CTXND2: variants seen among roughly 807,000 people sequenced by gnomAD.
CTXND2 encodes the protein cortexin domain containing 2.
intron 1 of CTXND2, among the ~76,000 whole-genome samples, chr1:150,909,792 G>A (rs1034699010): frequency 6.6e-6 from 1 of 152,154 alleles, no homozygotes; most frequent in Non-Finnish European, 1.5e-5. Flanking sequence ...TGCCAAAGAA[G>A]AAGGCTTTAC....
chr1:150,900,265 A>G (rs1352176357), intron 1 of CTXND2, among the ~76,000 whole-genome samples: 1 of 152,152 alleles, frequency 6.6e-6, no homozygotes, highest in Non-Finnish European at 1.5e-5. Flanking sequence ...GAGAGGAACG[A>G]ACAACTCCGG....
At chr1:150,905,417 A>T (rs895770389) in intron 1 of CTXND2, among the ~76,000 whole-genome samples, 3 of 151,804 alleles carry the variant, frequency 2.0e-5, no homozygotes. Context: ...AAGTGCTGGG[A>T]TTATAGGCAT....
chr1:150,905,490 TG>T (rs1669126366), intron 1 of CTXND2, among the ~76,000 whole-genome samples: 2 of 151,806 alleles, frequency 1.3e-5, no homozygotes, highest in South Asian at 4.2e-4. Context: ...GTCCAGGGGG[TG>T]GCATGAAAAC....
intron 1 of CTXND2, among the ~76,000 whole-genome samples, chr1:150,901,904 C>T (rs587676106): frequency 8.7e-5 from 13 of 148,976 alleles, no homozygotes; most frequent in African/African-American, 3.0e-4. Context: ...CCAGCCTGGG[C>T]GACAGAGTGA....
intron 1 of CTXND2, among the ~76,000 whole-genome samples, chr1:150,909,490 G>A (rs891368242): frequency 1.3e-5 from 2 of 152,052 alleles, no homozygotes; most frequent in Non-Finnish European, 2.9e-5. Context: ...CTGGGAGGTC[G>A]AGGCTGCAGT....
chr1:150,889,310 G>A (rs1352703097), intron 1 of CTXND2, among the ~76,000 whole-genome samples: 2 of 148,426 alleles, frequency 1.3e-5, no homozygotes, highest in African/African-American at 5.0e-5. Context: ...TGAGGCAGGA[G>A]AATGGCGTGA....
At chr1:150,906,670 C>G (rs1669151545) in intron 1 of CTXND2, among the ~76,000 whole-genome samples, 1 of 152,128 alleles carries the variant, frequency 6.6e-6, no homozygotes, top group South Asian at 2.1e-4. Flanking sequence ...TCTGTGCTGG[C>G]AGGGTTTATA....
intron 1 of CTXND2, among the ~76,000 whole-genome samples, chr1:150,905,117 T>C (rs895722537): frequency 2.1e-4 from 30 of 140,836 alleles, no homozygotes; most frequent in Admixed American, 2.0e-3. Context: ...TCACCCTTCA[T>C]AAGGAACTTG....
chr1:150,910,153 C>T (rs1463663920), intron 1 of CTXND2, among the ~76,000 whole-genome samples: 1 of 123,570 alleles, frequency 8.1e-6, no homozygotes, highest in African/African-American at 3.1e-5. Flanking sequence ...TTTTTTGAGA[C>T]GGGTCTCCAT....
chr1:150,904,828 G>A (rs1234012359), intron 1 of CTXND2, among the ~76,000 whole-genome samples: 1 of 152,008 alleles, frequency 6.6e-6, no homozygotes, highest in Non-Finnish European at 1.5e-5. Flanking sequence ...GATCTATAAG[G>A]TCACATGCTT....
intron 1 of CTXND2, among the ~76,000 whole-genome samples, chr1:150,903,486 A>T (rs1405590387): frequency 6.6e-6 from 1 of 151,924 alleles, no homozygotes; most frequent in Non-Finnish European, 1.5e-5. Context: ...ATGAAAAAAT[A>T]AAATAAAATT....
chr1:150,908,011 CTT>C (rs745450518), intron 1 of CTXND2, among the ~76,000 whole-genome samples: 5,294 of 120,258 alleles, frequency 0.044, 309 homozygotes, highest in African/African-American at 0.15. Flanking sequence ...GCCCAGCCAG[CTT>C]TTTTTTTTTT....
At chr1:150,900,642 T>C (rs1669000478) in intron 1 of CTXND2, among the ~76,000 whole-genome samples, 2 of 140,822 alleles carry the variant, frequency 1.4e-5, no homozygotes, top group African/African-American at 5.1e-5. Flanking sequence ...AGCAAGACTT[T>C]CTCAAAAAAC....
At chr1:150,904,553 T>C (rs779559405) in intron 1 of CTXND2, among the ~76,000 whole-genome samples, 18 of 152,234 alleles carry the variant, frequency 1.2e-4, no homozygotes, top group Admixed American at 2.6e-4. Flanking sequence ...TTTATATAAC[T>C]GGTTATGTGA....
At chr1:150,888,687 ATTATTTATTTAT>A (rs587608698) in intron 1 of CTXND2, among the ~76,000 whole-genome samples, 1 of 151,494 alleles carries the variant, frequency 6.6e-6, no homozygotes, top group Non-Finnish European at 1.5e-5. Context: ...AATGTATTTT[ATTATTTATTTAT>A]TTATTTATTT....
At chr1:150,898,815 C>T (rs191450673) in intron 1 of CTXND2, among the ~76,000 whole-genome samples, 5 of 144,462 alleles carry the variant, frequency 3.5e-5, no homozygotes, top group Non-Finnish European at 7.5e-5. Flanking sequence ...CGGTGGCTCA[C>T]GCCTGCAATC....
At chr1:150,891,436 A>G (rs587751424) in intron 1 of CTXND2, among the ~76,000 whole-genome samples, 1 of 152,084 alleles carries the variant, frequency 6.6e-6, no homozygotes, top group South Asian at 2.1e-4. Flanking sequence ...GATGGTCTCC[A>G]TCTCCTGACC....
intron 1 of CTXND2, among the ~76,000 whole-genome samples, chr1:150,895,842 T>C (rs1668908914): frequency 6.6e-6 from 1 of 152,172 alleles, no homozygotes; most frequent in African/African-American, 2.4e-5. Context: ...AATTCAGCCA[T>C]GCCAGAGGCA....
At chr1:150,912,418 G>A (rs1456865451) in exon 2 of CTXND2, 13 of 398,430 alleles carry the variant, frequency 3.3e-5, no homozygotes, top group South Asian at 1.3e-4. Context: ...ATTTTTCGGT[G>A]TGCCAAGCTG....
Sources: allele counts gnomAD v4.1 joint callset (sites outside exome capture counted in the v4.1 genomes callset), GRCh38; gene constraint gnomAD v4.1.1; transcripts MANE v1.5; gene names NCBI Gene and HGNC (gene_info 2026-07-23, HGNC 2026-07-21).